NHSL1: variants seen among roughly 807,000 people sequenced by gnomAD.
NHSL1 encodes NHS like 1, also known as NHS-like protein 1.
Under a neutral mutation model 95.0 loss-of-function variants are expected in NHSL1, and 48 were observed. That is an observed-to-expected ratio of 0.51 (90% CI 0.40 to 0.64). The LOEUF (loss-of-function observed/expected upper bound fraction) is 0.64, where lower values mean the gene tolerates loss of function less well. Ranked by LOEUF, NHSL1 falls within the 30% of genes least tolerant of loss-of-function variation. The pLI is 0.00. For synonymous variants in NHSL1, 783 were observed against 833.9 expected, an observed-to-expected ratio of 0.94 and a Z score of 1.05; for missense variants, 1,971 against 2,077.7, an observed-to-expected ratio of 0.95 and a Z score of 1.00.
chr6:138,665,581 A>G (rs1785283591), intron 1 of NHSL1, among the ~76,000 whole-genome samples: 1 of 152,238 alleles, frequency 6.6e-6, no homozygotes, highest in African/African-American at 2.4e-5. Flanking sequence ...ATGGATGGAT[A>G]AATGAATGAA....
intron 3 of NHSL1, among the ~76,000 whole-genome samples, chr6:138,455,543 C>CCCTGCAAGGAGCCCCGCCTTCACATGCTT (rs1562288021): frequency 5.0e-5 from 2 of 39,870 alleles, no homozygotes; most frequent in East Asian, 8.2e-4. Context: ...TTCACATGCT[C>CCCTGCAAGGAGCCCCGCCTTCACATGCTT]CCTGCAAGGA....
At chr6:138,552,196 G>A (rs140214580) in intron 1 of NHSL1, among the ~76,000 whole-genome samples, 110 of 152,234 alleles carry the variant, frequency 7.2e-4, no homozygotes, top group African/African-American at 2.4e-3. Flanking sequence ...CGAGGCAGGC[G>A]GATCACGAGG....
intron 1 of NHSL1, among the ~76,000 whole-genome samples, chr6:138,668,271 C>T (rs1785320081): frequency 6.6e-6 from 1 of 152,070 alleles, no homozygotes; most frequent in South Asian, 2.1e-4. Context: ...ACAAAATACC[C>T]CGTCTCTACT....
At chr6:138,466,297 TC>T (rs1217043966) in intron 3 of NHSL1, among the ~76,000 whole-genome samples, 1 of 151,880 alleles carries the variant, frequency 6.6e-6, no homozygotes, top group Non-Finnish European at 1.5e-5. Context: ...CGCCTCAGCC[TC>T]CCGAAGTGCT....
intron 1 of NHSL1, among the ~76,000 whole-genome samples, chr6:138,569,053 G>T (rs1033258810): frequency 6.6e-5 from 10 of 152,196 alleles, no homozygotes; most frequent in Non-Finnish European, 1.2e-4. Context: ...AGCATACCTG[G>T]AGACAGCGGG....
intron 1 of NHSL1, among the ~76,000 whole-genome samples, chr6:138,591,153 T>C (rs1784219776): frequency 6.6e-6 from 1 of 152,132 alleles, no homozygotes; most frequent in Non-Finnish European, 1.5e-5. Flanking sequence ...ATGTGCAGGA[T>C]ATAATCAGCA....
intron 2 of NHSL1, among the ~76,000 whole-genome samples, chr6:138,478,191 G>A (rs1352108272): frequency 6.6e-6 from 1 of 151,634 alleles, no homozygotes; most frequent in Non-Finnish European, 1.5e-5. Flanking sequence ...TTTTTGGTCA[G>A]GCTGGTCTCA....
Position 138,424,079 on chromosome 6 carries a change from C to A in NHSL1, c.*2G>T. The stretch of plus-strand genomic sequence containing the variant: ...TCACCTGGGAGAGTTACGTTCTTGG[C>A]CCTAACTCTCCTCGCTCAGAGAACC... On this transcript the variant is annotated 3_prime_UTR_variant, in exon 8 of 8. Transcript: ENST00000343505. This position sits in a 1 kb window ranked among gnomAD's most constrained non-coding sequence, Gnocchi z 5.9. 7.2e-7 allele frequency: 1 copy of A among 1,384,676 alleles called. No homozygotes were observed. The highest frequency in any genetic ancestry group is 2.6e-5 in the East Asian group (1 of 38,784). The allele number at this position is 1,384,676 out of a possible 1,614,324, so 85.8% of individuals were successfully genotyped here. A position where few individuals can be genotyped will look rare whatever the true frequency, so the allele number is the denominator to read the frequency against.
intron 2 of NHSL1, among the ~76,000 whole-genome samples, chr6:138,493,758 A>G (rs1046746340): frequency 1.6e-4 from 25 of 152,366 alleles, no homozygotes; most frequent in African/African-American, 5.0e-4. Flanking sequence ...GTCACAATTT[A>G]CTAAAGATAA....
chr6:138,611,796 A>G (rs1562391318), intron 1 of NHSL1, among the ~76,000 whole-genome samples: 1 of 151,902 alleles, frequency 6.6e-6, no homozygotes, highest in Non-Finnish European at 1.5e-5. Flanking sequence ...CTAAAGACCT[A>G]GAAATAAATG....
chr6:138,430,653 G>A lies in NHSL1; in HGVS notation c.3692C>T (p.Thr1231Met), dbSNP rs369620475. 3.5e-4 allele frequency: 539 copies of A among 1,551,478 alleles called. 1 individual carries two copies. Among genetic ancestry groups the A allele is most frequent in the Admixed American group, 4.3e-4 (22 of 50,990 alleles). The change falls in exon 6 of 8, where the codon ACG becomes ATG. Residue 1231 changes from threonine to methionine, a missense_variant. Physicochemically the swap from Thr to Met is moderately conservative, Grantham distance 81. This residue lies in a region of NHSL1 where 1,602 missense variants were observed against 1,654.5 expected (regional missense o/e 0.97). Coordinates refer to ENST00000343505, the MANE Select transcript of NHSL1 (RefSeq NM_001144060.2). This position sits in a 1 kb window ranked among gnomAD's most constrained non-coding sequence, Gnocchi z 4.7. Reference protein sequence around the residue: ...SEALRAVPSPTTGEEGSVHSR... With the variant: ...SEALRAVPSPMTGEEGSVHSR... ...GTGCACAGAGCCCTCCTCTCCCGTC[G>A]TGGGGCTGGGCACAGCTCGGAGGGC...
In NHSL1 at chr6:138,673,570, T is replaced by C. The variant is rs559352767; in HGVS notation, c.96+18906A>G. On this transcript the variant is annotated intron_variant, in intron 1 of 3. Coordinates refer to the NHSL1 transcript ENST00000491526. ...CACAAGTCTAAAGGCTCTCACTGAA[T>C]TTTTTTCAAGTTTAAGTTAAAAAAC... Among the ~76,000 whole-genome samples, 13 of 152,152 alleles carry C rather than the reference T, an allele frequency of 8.5e-5. No homozygotes were observed. The South Asian group carries it at 2.7e-3, about 31-fold the overall frequency.
intron 1 of NHSL1, among the ~76,000 whole-genome samples, chr6:138,511,836 A>C (rs1781245941): frequency 6.6e-6 from 1 of 152,180 alleles, no homozygotes; most frequent in African/African-American, 2.4e-5. Flanking sequence ...GCTGCCTAGG[A>C]AGCCAAGGTT....
At chr6:138,538,745 T>C (rs1782463825) in intron 1 of NHSL1, among the ~76,000 whole-genome samples, 1 of 152,250 alleles carries the variant, frequency 6.6e-6, no homozygotes, top group South Asian at 2.1e-4. Flanking sequence ...AAATGCTGTC[T>C]TGCAAAATTT....
intron 1 of NHSL1, among the ~76,000 whole-genome samples, chr6:138,601,542 G>A (rs1365526303): frequency 3.3e-5 from 5 of 152,084 alleles, no homozygotes; most frequent in Admixed American, 6.6e-5. Flanking sequence ...GCCCGGGCAC[G>A]GTGGCTCATG....
chr6:138,426,577 A>G (rs147646685), intron 7 of NHSL1, among the ~76,000 whole-genome samples: 10 of 152,228 alleles, frequency 6.6e-5, no homozygotes, highest in African/African-American at 2.4e-4. Flanking sequence ...TGCTTAACAA[A>G]CCTTTGAATG....
chr6:138,604,872 C>T (rs982858180), intron 1 of NHSL1, among the ~76,000 whole-genome samples: 2 of 152,080 alleles, frequency 1.3e-5, no homozygotes, highest in Non-Finnish European at 2.9e-5. Flanking sequence ...GTGATCCGCC[C>T]GCCTCAGACT....
intron 1 of NHSL1, among the ~76,000 whole-genome samples, chr6:138,530,606 G>T (rs1404931319): frequency 6.6e-6 from 1 of 152,176 alleles, no homozygotes; most frequent in Non-Finnish European, 1.5e-5. Context: ...CCATAAAGTG[G>T]AATGAAATAA....
intron 1 of NHSL1, among the ~76,000 whole-genome samples, chr6:138,532,586 ACATTCT>A (rs1204736943): frequency 6.6e-6 from 1 of 152,138 alleles, no homozygotes; most frequent in Non-Finnish European, 1.5e-5. Flanking sequence ...GTTTCTGGCT[ACATTCT>A]GGGTATCTTA....
Sources: gnomAD v4.1 joint callset for allele counts (sites outside exome capture counted in the v4.1 genomes callset) on GRCh38, gnomAD v4.1.1 for gene constraint, gnomAD v4.1.1 regional missense constraint, Gnocchi (gnomAD v3.1) non-coding constraint, MANE v1.5 for transcripts, NCBI Gene and HGNC (gene_info 2026-07-23, HGNC 2026-07-21) for gene names.